DNAJC12: variants seen among roughly 807,000 people sequenced by gnomAD.
The protein encoded by DNAJC12 is dnaJ homolog subfamily C member 12.
DNAJC12 carries 25 observed loss-of-function variants against 28.5 expected under a neutral mutation model. The ratio of observed to expected loss-of-function variants is 0.88; its 90% CI spans 0.64 to 1.22. The LOEUF (loss-of-function observed/expected upper bound fraction) is 1.22, where lower values mean the gene tolerates loss of function less well. Ranked by LOEUF, DNAJC12 falls within the 50% of genes most tolerant of loss-of-function variation. The pLI, the probability that DNAJC12 is intolerant of heterozygous loss-of-function variation, is 0.00. For missense variants in DNAJC12, 222 were observed against 231.7 expected (o/e 0.96, Z 0.27); for synonymous variants, 77 against 80.6 (o/e 0.95, Z 0.24).
intron 1 of DNAJC12, among the ~76,000 whole-genome samples, chr10:67,837,724 G>A (rs1842153756): frequency 6.6e-6 from 1 of 152,110 alleles, no homozygotes; most frequent in African/African-American, 2.4e-5. Flanking sequence ...AGAAGCTTCC[G>A]TAAAATTCCC....
At chr10:67,824,740 A>G (rs1842012875) in intron 1 of DNAJC12, among the ~76,000 whole-genome samples, 2 of 151,260 alleles carry the variant, frequency 1.3e-5, no homozygotes, top group Admixed American at 6.6e-5. Context: ...TTATTTATTT[A>G]TTTTTATTTT....
chr10:67,833,981 C>T, intron 1 of DNAJC12: 1 of 450,050 alleles, frequency 2.2e-6, no homozygotes, highest in Non-Finnish European at 4.6e-6. Context: ...GCCCTACTGC[C>T]AAAAAAGGGA....
chr10:67,807,626 A>C (rs1171953201), intron 3 of DNAJC12, among the ~76,000 whole-genome samples: 2 of 152,226 alleles, frequency 1.3e-5, no homozygotes, highest in Admixed American at 6.5e-5. Flanking sequence ...AGGTTAGTGA[A>C]AAACAAGGAA....
intron 2 of DNAJC12, among the ~76,000 whole-genome samples, chr10:67,813,397 G>A (rs1316681309): frequency 6.6e-6 from 1 of 152,022 alleles, no homozygotes; most frequent in Admixed American, 6.6e-5. Flanking sequence ...AATATCAGTG[G>A]TGTCTCTACA....
rs934660316 is a variant in DNAJC12 at position 67,797,272 on chromosome 10, T to A, written c.503-62A>T. 8 of 1,363,704 alleles carry A rather than the reference T, an allele frequency of 5.9e-6. No homozygotes were observed. The African/African-American group carries it at 1.2e-4, about 20-fold the overall frequency. 84.5% of individuals were successfully genotyped at this position (1,363,704 alleles called of 1,614,324 possible). A position where few individuals can be genotyped will look rare whatever the true frequency, so the allele number is the denominator to read the frequency against. On this transcript the variant is annotated intron_variant, in intron 4 of 4. Transcript: ENST00000225171. Reference sequence around the variant, plus strand: ...GTAGGAAAAGTCGATCTTGTTATAGTAAAACAGCTTGGGGATAATATTTCA... The same window carrying A: ...GTAGGAAAAGTCGATCTTGTTATAGAAAAACAGCTTGGGGATAATATTTCA...
chr10:67,797,044 A>T lies in DNAJC12; in HGVS notation c.*72T>A. 8.4e-7 allele frequency: 1 copy of T among 1,193,824 alleles called. No homozygotes were observed. The highest frequency in any genetic ancestry group is 1.2e-6 in the Non-Finnish European group (1 of 835,334). The allele number at this position is 1,193,824 out of a possible 1,614,324, so 74.0% of individuals were successfully genotyped here. ...GACATAAACATGACATTTTTAAGACATAAACAAAGACTGCATGTTGGCAGC... is the reference window on the plus strand; with the variant it reads ...GACATAAACATGACATTTTTAAGACTTAAACAAAGACTGCATGTTGGCAGC... On this transcript the variant is annotated 3_prime_UTR_variant, in exon 5 of 5. Transcript: ENST00000225171.
intron 4 of DNAJC12, among the ~76,000 whole-genome samples, chr10:67,800,481 C>T (rs1040604659): frequency 6.6e-6 from 1 of 152,156 alleles, no homozygotes; most frequent in Non-Finnish European, 1.5e-5. Flanking sequence ...ATCCAAAGGG[C>T]ATTTACTCCC....
chr10:67,805,473 T>C (rs1292829625), intron 4 of DNAJC12, 110 bp downstream of exon 4: 1 of 1,166,998 alleles, frequency 8.6e-7, no homozygotes, highest in African/African-American at 1.6e-5. Context: ...AAACCAATCT[T>C]TAAACTTGGC....
intron 2 of DNAJC12, among the ~76,000 whole-genome samples, chr10:67,812,886 G>A (rs1240832123): frequency 6.6e-6 from 1 of 151,286 alleles, no homozygotes; most frequent in African/African-American, 2.4e-5. Flanking sequence ...GCCAGGCACG[G>A]TGGCCCAGGC....
intron 2 of DNAJC12, among the ~76,000 whole-genome samples, chr10:67,819,779 G>GAGGGAAGGAAGGAAGGGGAAGGAAGGAA (rs1268822734): frequency 7.5e-5 from 1 of 13,374 alleles, no homozygotes; most frequent in African/African-American, 1.9e-4. Context: ...AGGAAGGAAG[G>GAGGGAAGGAAGGAAGGGGAAGGAAGGAA]GGAAGGAAGG....
chr10:67,804,039 A>G lies in DNAJC12; in HGVS notation c.502+1544T>C, dbSNP rs540295123. Among the ~76,000 whole-genome samples, 4 of 152,330 alleles carry G rather than the reference A, an allele frequency of 2.6e-5. No homozygotes were observed. In the South Asian group the frequency reaches 8.3e-4, roughly 32 times the overall value. On this transcript the variant is annotated intron_variant, in intron 4 of 4. Coordinates refer to ENST00000225171, the MANE Select transcript of DNAJC12 (RefSeq NM_021800.3). ...ATAATCCACCACAAGCCATCTAACT[A>G]TCTTCTTTTGAATACAAGTGTTCTA...
intron 2 of DNAJC12, 27 bp downstream of exon 2, chr10:67,823,287 G>A: frequency 1.2e-6 from 2 of 1,600,392 alleles, no homozygotes; most frequent in Admixed American, 3.4e-5. Context: ...TCATTTTCTT[G>A]AGAAGTAGCC....
chr10:67,820,359 A>G (rs1841969932), intron 2 of DNAJC12, among the ~76,000 whole-genome samples: 1 of 152,222 alleles, frequency 6.6e-6, no homozygotes. Flanking sequence ...GAAAGAAGCT[A>G]CACACAAAAG....
At chr10:67,812,209 C>T (rs572263170) in intron 2 of DNAJC12, among the ~76,000 whole-genome samples, 4 of 151,946 alleles carry the variant, frequency 2.6e-5, no homozygotes, top group African/African-American at 7.3e-5. Context: ...GGAAGGAGCA[C>T]GGTGACTTAG....
chr10:67,811,614 T>G lies in DNAJC12; in HGVS notation c.207A>C (p.Glu69Asp), dbSNP rs759123944. The stretch of plus-strand genomic sequence containing the variant: ...AGTGGTCATAGCGGGCTCGACTCTC[T>G]TCATTGGTCAGAATCTCCTTTGCCT... Reference protein sequence around the residue: ...LQKAKEILTNEESRARYDHWR... With the variant: ...LQKAKEILTNDESRARYDHWR... The change falls in exon 3 of 5, where the codon GAA (glutamate) becomes GAC (aspartate). Residue 69 changes from glutamate to aspartate, a missense_variant. Physicochemically the swap from Glu to Asp is conservative, Grantham distance 45 (BLOSUM62 2). Coordinates refer to ENST00000225171, the MANE Select transcript of DNAJC12 (RefSeq NM_021800.3). 1.9e-6 allele frequency: 3 copies of G among 1,614,066 alleles called. No individual in the cohort carries two copies. The highest frequency in any genetic ancestry group is 1.3e-5 in the African/African-American group (1 of 74,936).
chr10:67,806,576 C>T (rs556265915), intron 3 of DNAJC12, among the ~76,000 whole-genome samples: 1 of 152,268 alleles, frequency 6.6e-6, no homozygotes, highest in Non-Finnish European at 1.5e-5. Flanking sequence ...GTAATCCCAG[C>T]ACTTTGGGAA....
chr10:67,837,810 C>A, intron 1 of DNAJC12, 124 bp downstream of exon 1: 1 of 652,314 alleles, frequency 1.5e-6, no homozygotes, highest in Non-Finnish European at 2.5e-6. Flanking sequence ...TGCTTTAAAA[C>A]AACACAAGGT....
intron 2 of DNAJC12, chr10:67,816,257 C>A: frequency 2.6e-6 from 1 of 391,410 alleles, no homozygotes; most frequent in Non-Finnish European, 4.5e-6. Flanking sequence ...TCAAAATATG[C>A]TTTGAAAAAA....
intron 1 of DNAJC12, among the ~76,000 whole-genome samples, chr10:67,827,131 A>G (rs994186816): frequency 2.0e-5 from 3 of 151,884 alleles, no homozygotes; most frequent in Non-Finnish European, 4.4e-5. Context: ...TCACGCCTGT[A>G]ATCCCTGCAC....
Sources: allele counts gnomAD v4.1 joint callset (sites outside exome capture counted in the v4.1 genomes callset), GRCh38; gene constraint gnomAD v4.1.1; transcripts MANE v1.5; gene names NCBI Gene and HGNC (gene_info 2026-07-23, HGNC 2026-07-21).